KCNIP4: variants seen among roughly 807,000 people sequenced by gnomAD.
The protein encoded by KCNIP4 is potassium voltage-gated channel interacting protein 4, also known as Kv channel-interacting protein 4.
Under a neutral mutation model 34.0 loss-of-function variants are expected in KCNIP4, and 12 were observed. The ratio of observed to expected loss-of-function variants is 0.35; its 90% CI spans 0.23 to 0.57. KCNIP4 has a LOEUF of 0.57. Among genes scored for constraint, KCNIP4 ranks in the 20% least tolerant of loss-of-function variants. The pLI is 0.83. For missense variants in KCNIP4, 238 were observed against 311.7 expected (o/e 0.76, Z 1.78); for synonymous variants, 124 against 102.2 (o/e 1.21, Z -1.29).
At chr4:21,413,707 G>C (rs1231862053) in intron 1 of KCNIP4, among the ~76,000 whole-genome samples, 1 of 152,150 alleles carries the variant, frequency 6.6e-6, no homozygotes, top group African/African-American at 2.4e-5. Context: ...CTTTTAGGAG[G>C]CATCAATAAA....
At chr4:21,366,454 G>C (rs1719775172) in intron 1 of KCNIP4, among the ~76,000 whole-genome samples, 2 of 152,132 alleles carry the variant, frequency 1.3e-5, no homozygotes, top group Non-Finnish European at 2.9e-5. Flanking sequence ...AATTCCTGTG[G>C]TAAGAGAGCT....
intron 1 of KCNIP4, among the ~76,000 whole-genome samples, chr4:21,086,677 T>G (rs1237203068): frequency 6.6e-6 from 1 of 152,160 alleles, no homozygotes; most frequent in Non-Finnish European, 1.5e-5. Flanking sequence ...AGAGAGGTGG[T>G]TCTTCTCCTA....
intron 1 of KCNIP4, among the ~76,000 whole-genome samples, chr4:20,906,774 T>G (rs573082670): frequency 7.4e-4 from 112 of 152,338 alleles, no homozygotes; most frequent in Non-Finnish European, 1.0e-3. Context: ...ATTCCAGCTT[T>G]AGACCCTTGC....
intron 1 of KCNIP4, among the ~76,000 whole-genome samples, chr4:21,860,254 C>A (rs1724993780): frequency 6.6e-6 from 1 of 152,222 alleles, no homozygotes; most frequent in East Asian, 1.9e-4. Context: ...GTGCCTCAGC[C>A]TCCCAAGTAG....
intron 1 of KCNIP4, among the ~76,000 whole-genome samples, chr4:21,618,133 C>T (rs1450425376): frequency 2.0e-5 from 3 of 152,116 alleles, no homozygotes; most frequent in African/African-American, 7.2e-5. Flanking sequence ...ATTTGTTTTA[C>T]ATTGGCATCA....
chr4:20,928,864 G>T (rs896496497), intron 1 of KCNIP4, among the ~76,000 whole-genome samples: 1 of 151,808 alleles, frequency 6.6e-6, no homozygotes, highest in Non-Finnish European at 1.5e-5. Flanking sequence ...AAGCTTGAAT[G>T]GACCAATAAA....
rs140992844 is a variant in KCNIP4 at position 21,345,861 on chromosome 4, C to T, written c.62-463152G>A. Among the ~76,000 whole-genome samples the T allele has an allele frequency of 5.1e-3, 772 of 151,588 alleles. 5 individuals are homozygous for T. The highest frequency in any genetic ancestry group is 0.017 in the African/African-American group (714 of 41,326). Reference sequence around the variant, plus strand: ...CATTAGTTAGAATTAAAGCCCATTACGCTCCTAATAACTCATTGCTAAAAT... The same window carrying T: ...CATTAGTTAGAATTAAAGCCCATTATGCTCCTAATAACTCATTGCTAAAAT... On this transcript the variant is annotated intron_variant, in intron 1 of 8. Transcript: ENST00000382152.
chr4:21,868,218 A>G (rs1725547396), intron 1 of KCNIP4, among the ~76,000 whole-genome samples: 1 of 152,188 alleles, frequency 6.6e-6, no homozygotes, highest in East Asian at 1.9e-4. Flanking sequence ...AATAGCATAG[A>G]TATTTTATTG....
intron 1 of KCNIP4, among the ~76,000 whole-genome samples, chr4:21,462,765 T>TTGTGTGTGTGTG (rs57124779): frequency 4.1e-5 from 6 of 145,776 alleles, no homozygotes; most frequent in African/African-American, 1.3e-4. Flanking sequence ...TAGTATTCCA[T>TTGTGTGTGTGTG]TGTGTGTGTG....
intron 3 of KCNIP4, among the ~76,000 whole-genome samples, chr4:20,807,505 G>T (rs932826558): frequency 3.3e-5 from 5 of 152,034 alleles, no homozygotes; most frequent in Middle Eastern, 3.4e-3. Context: ...TAAAAAAAAA[G>T]AATATGCCTC....
intron 1 of KCNIP4, among the ~76,000 whole-genome samples, chr4:21,854,918 A>C (rs1270111307): frequency 1.3e-5 from 2 of 152,170 alleles, no homozygotes; most frequent in African/African-American, 4.8e-5. Flanking sequence ...TGTTTTAATC[A>C]ATATTGGATC....
At chr4:21,865,338 G>A (rs1725351410) in intron 1 of KCNIP4, among the ~76,000 whole-genome samples, 1 of 151,380 alleles carries the variant, frequency 6.6e-6, no homozygotes, top group African/African-American at 2.4e-5. Flanking sequence ...GAAATAAGTG[G>A]GTGAGGAAGG....
intron 1 of KCNIP4, among the ~76,000 whole-genome samples, chr4:21,297,385 C>T (rs1361595207): frequency 1.3e-5 from 2 of 152,042 alleles, no homozygotes; most frequent in African/African-American, 2.4e-5. Flanking sequence ...TGTAATGGCA[C>T]CTATTTCTAA....
intron 1 of KCNIP4, among the ~76,000 whole-genome samples, chr4:21,769,351 G>C (rs933825209): frequency 2.0e-5 from 3 of 152,034 alleles, no homozygotes; most frequent in Admixed American, 6.6e-5. Flanking sequence ...TTGTATAAAA[G>C]AGGAAGTAAT....
At chr4:21,513,756 TTTA>T (rs1560474601) in intron 1 of KCNIP4, among the ~76,000 whole-genome samples, 2 of 152,224 alleles carry the variant, frequency 1.3e-5, no homozygotes, top group Non-Finnish European at 2.9e-5. Context: ...ACGTTGCTAC[TTTA>T]TTGTTTTTAG....
At chr4:21,003,912 T>C (rs936298704) in intron 1 of KCNIP4, among the ~76,000 whole-genome samples, 2 of 152,054 alleles carry the variant, frequency 1.3e-5, no homozygotes, top group African/African-American at 2.4e-5. Flanking sequence ...TGGGGAACGA[T>C]TAGAAATTCC....
chr4:21,204,289 G>A (rs1756694683), intron 1 of KCNIP4, among the ~76,000 whole-genome samples: 1 of 152,102 alleles, frequency 6.6e-6, no homozygotes, highest in South Asian at 2.1e-4. Flanking sequence ...CTATTTCCCA[G>A]CTATAGAATA....
At chr4:21,476,916 C>G (rs1226201522) in intron 1 of KCNIP4, among the ~76,000 whole-genome samples, 1 of 152,114 alleles carries the variant, frequency 6.6e-6, no homozygotes, top group East Asian at 1.9e-4. Context: ...TGCTTACCTC[C>G]TTTAACAAAT....
At chr4:21,243,793 A>G (rs904515520) in intron 1 of KCNIP4, among the ~76,000 whole-genome samples, 6 of 152,142 alleles carry the variant, frequency 3.9e-5, no homozygotes, top group Admixed American at 3.9e-4. Context: ...ATGATTACAA[A>G]ACCAAAAATC....
Sources: allele counts gnomAD v4.1 joint callset (sites outside exome capture counted in the v4.1 genomes callset), GRCh38; gene constraint gnomAD v4.1.1; transcripts MANE v1.5; gene names NCBI Gene and HGNC (gene_info 2026-07-23, HGNC 2026-07-21).